Variants in SRRM2 observed in about 807,000 individuals in gnomAD.
The protein encoded by SRRM2 is serine/arginine repetitive matrix 2.
Under a neutral mutation model 213.8 loss-of-function variants are expected in SRRM2, and 30 were observed. That is an observed-to-expected ratio of 0.14 (90% CI 0.10 to 0.19). The LOEUF (loss-of-function observed/expected upper bound fraction) is 0.19, where lower values mean the gene tolerates loss of function less well. Among genes scored for constraint, SRRM2 ranks in the 10% least tolerant of loss-of-function variants. SRRM2 has a pLI of 1.00. For missense variants in SRRM2, 4,904 were observed against 3,647.0 expected (o/e 1.34, Z -8.88); for synonymous variants, 2,025 against 1,377.7 (o/e 1.47, Z -10.40).
intron 10 of SRRM2, chr16:2,760,882 A>G (rs1263349120): frequency 5.2e-6 from 1 of 193,426 alleles, no homozygotes; most frequent in Admixed American, 5.3e-5. Context: ...AATAGTTTGA[A>G]TGAAACACTG....
intron 3 of SRRM2, 68 bp from the exon 4 acceptor site, chr16:2,757,713 A>G: frequency 1.3e-6 from 2 of 1,590,444 alleles, no homozygotes; most frequent in Non-Finnish European, 1.7e-6. Flanking sequence ...GCTCCTGCTT[A>G]TACTTGTGTT....
chr16:2,770,356 C>G lies in SRRM2; in HGVS notation c.8026C>G (p.Arg2676Gly). The change falls in exon 13 of 15, where the codon CGC (arginine) becomes GGC (glycine). Residue 2676 changes from arginine to glycine, a missense_variant. Physicochemically the swap from Arg to Gly is moderately radical, Grantham distance 125 (BLOSUM62 -2). Transcript: ENST00000301740. ...KKPPPGERRSRSPRKPIDSLR... is the reference protein window; with the variant it reads ...KKPPPGERRSGSPRKPIDSLR... ...GGGTCCTACTGTGTTCCCCAGGTCC[C>G]GCAGCCCCCGGAAGCCAATAGACTC... is the stretch of plus-strand genomic sequence containing the variant. The G allele has an allele frequency of 6.3e-7, 1 of 1,593,346 alleles. No individual in the cohort carries two copies. The highest frequency in any genetic ancestry group is 2.3e-5 in the East Asian group (1 of 43,830).
chr16:2,766,187 A>G lies in SRRM2; in HGVS notation c.5659A>G (p.Arg1887Gly), dbSNP rs2068535903. ...CAGAACCCCCCTGATAAGCCGACGTAGGTCCAGATCTCGAACTTCACCAGT... is the reference window on the plus strand; with the variant it reads ...CAGAACCCCCCTGATAAGCCGACGTGGGTCCAGATCTCGAACTTCACCAGT... The part of the protein sequence containing the change: ...RSRTPLISRR[R>G]SRSRTSPVSR... Residue 1887 changes from arginine (R) to glycine (G), a missense_variant, in exon 11 of 15, where the codon AGG becomes GGG. Physicochemically the swap from Arg to Gly is moderately radical, Grantham distance 125 (BLOSUM62 -2). Transcript: ENST00000301740. This position sits in a 1 kb window ranked among gnomAD's most constrained non-coding sequence, Gnocchi z 7.0. 2 of 1,614,046 alleles carry G rather than the reference A, an allele frequency of 1.2e-6. No homozygotes were observed. The highest frequency in any genetic ancestry group is 8.5e-7 in the Non-Finnish European group (1 of 1,180,046).
rs536547340 is a variant in SRRM2 at position 2,757,069 on chromosome 16, T to A, written c.243-403T>A. Among the ~76,000 whole-genome samples the A allele has an allele frequency of 2.6e-5, 4 of 152,132 alleles. No homozygotes were observed. In the South Asian group the frequency reaches 6.2e-4, roughly 24 times the overall value. ...GAATCATGGGCTGGGAAGGGAAATT[T>A]TGGAAAAGGAGCCCATTAAGGCAGA... On this transcript the variant is annotated intron_variant, in intron 2 of 14. Coordinates refer to ENST00000301740, the MANE Select transcript of SRRM2 (RefSeq NM_016333.4).
chr16:2,755,445 T>C (rs1042184159), intron 1 of SRRM2, among the ~76,000 whole-genome samples: 3 of 152,064 alleles, frequency 2.0e-5, no homozygotes, highest in Non-Finnish European at 4.4e-5. Flanking sequence ...GGAGAAGGTA[T>C]GGGAACGGTT....
rs1456468739 is a variant in SRRM2 at position 2,762,274 on chromosome 16, C to T, written c.1746C>T (p.Gly582=). 2.5e-6 allele frequency: 4 copies of T among 1,613,956 alleles called. No individual in the cohort carries two copies. In the African/African-American group the frequency reaches 5.3e-5, roughly 22 times the overall value. The change falls in exon 11 of 15, where the codon GGC becomes GGT. Residue 582 remains glycine (G), a synonymous_variant. Transcript: ENST00000301740. ...RSRSRTPARR[G]RSRSRTPARR... ...GTTCTAGAACACCAGCCCGCCGGGG[C>T]AGGTCCCGCTCTAGAACACCTGCCA... is the stretch of plus-strand genomic sequence containing the variant.
In SRRM2 at chr16:2,766,223, C is replaced by T. The variant is rs151100831; in HGVS notation, c.5695C>T (p.Arg1899Trp). ...RSRTSPVSRR[R>W]SRSRTSVTRR... Reference sequence around the variant, plus strand: ...TCGAACTTCACCAGTCAGCCGGAGACGGTCAAGGTCCAGGACTTCAGTGAC... The same window carrying T: ...TCGAACTTCACCAGTCAGCCGGAGATGGTCAAGGTCCAGGACTTCAGTGAC... The change falls in exon 11 of 15, where the codon CGG (arginine) becomes TGG (tryptophan). Residue 1899 changes from arginine to tryptophan, a missense_variant. Arg to Trp is a moderately radical substitution (Grantham distance 101, BLOSUM62 -3). Coordinates refer to ENST00000301740, the MANE Select transcript of SRRM2 (RefSeq NM_016333.4). This position sits in a 1 kb window ranked among gnomAD's most constrained non-coding sequence, Gnocchi z 7.0. The T allele has an allele frequency of 3.7e-6, 6 of 1,614,174 alleles. No homozygotes were observed. The highest frequency in any genetic ancestry group is 4.2e-6 in the Non-Finnish European group (5 of 1,180,040).
chr16:2,764,118 A>G lies in SRRM2; in HGVS notation c.3590A>G (p.Glu1197Gly). 6.2e-7 allele frequency: 1 copy of G among 1,614,180 alleles called. No homozygotes were observed. Among genetic ancestry groups the G allele is most frequent in the Non-Finnish European group, 8.5e-7 (1 of 1,180,038 alleles). Residue 1197 changes from glutamate (E) to glycine (G), a missense_variant, in exon 11 of 15, where the codon GAG (glutamate) becomes GGG (glycine). Physicochemically the swap from Glu to Gly is moderately conservative, Grantham distance 98. Coordinates refer to ENST00000301740, the MANE Select transcript of SRRM2 (RefSeq NM_016333.4). ...CCCTTTCCAGTACAGGATAGGCCTG[A>G]GTCTTCACTGGTATTCAAAGACACA... Reference protein sequence around the residue: ...FSPFPVQDRPESSLVFKDTLR... With the variant: ...FSPFPVQDRPGSSLVFKDTLR...
Position 2,763,776 on chromosome 16 carries a change from C to T in SRRM2, c.3248C>T (p.Ser1083Leu). 1 of 1,614,198 alleles carries T rather than the reference C, an allele frequency of 6.2e-7. No individual in the cohort carries two copies. Among genetic ancestry groups the T allele is most frequent in the Non-Finnish European group, 8.5e-7 (1 of 1,180,048 alleles). The change falls in exon 11 of 15, where the codon TCA becomes TTA. Residue 1083 changes from serine to leucine, a missense_variant. By Grantham distance (145) the Ser-to-Leu change is moderately radical. Transcript: ENST00000301740. ...SPEVRQSHSE[S>L]PSLQSKSQTS... ...GAAGTGAGACAGAGTCATTCAGAAT[C>T]ACCATCTCTGCAGAGCAAATCTCAA...
chr16:2,767,201 G>T lies in SRRM2; in HGVS notation c.6673G>T (p.Ala2225Ser). 1 of 1,614,186 alleles carries T rather than the reference G, an allele frequency of 6.2e-7. No individual in the cohort carries two copies. The highest frequency in any genetic ancestry group is 1.3e-5 in the African/African-American group (1 of 75,038). Residue 2225 changes from alanine (A) to serine (S), a missense_variant, in exon 11 of 15, where the codon GCA becomes TCA. Ala to Ser is a moderately conservative substitution (Grantham distance 99). Coordinates refer to ENST00000301740, the MANE Select transcript of SRRM2 (RefSeq NM_016333.4). ...VPLMSLRTAP[A>S]ANLASRIPAA... ...TCTCATGAGTCTCAGAACCGCACCA[G>T]CAGCCAACCTTGCCAGCAGGATTCC...
At chr16:2,753,610 G>C (rs1002730840) in intron 1 of SRRM2, 6 of 152,194 alleles carry the variant, frequency 3.9e-5, no homozygotes, top group African/African-American at 1.4e-4. Context: ...GACCTTCGTT[G>C]GGAAGAAAAC....
rs756068764 is a variant in SRRM2 at position 2,767,739 on chromosome 16, G to A, written c.7211G>A (p.Arg2404Gln). Residue 2404 changes from arginine to glutamine, a missense_variant, in exon 11 of 15, where the codon CGA (arginine) becomes CAA (glutamine). Arg to Gln is a conservative substitution (Grantham distance 43). Coordinates refer to ENST00000301740, the MANE Select transcript of SRRM2 (RefSeq NM_016333.4). ...SGRTSPPLLD[R>Q]ARSRTPPSAP... ...AGAACCTCACCACCGCTCCTTGACC[G>A]AGCTAGGTCCAGAACACCACCGTCT... 3.7e-6 allele frequency: 6 copies of A among 1,613,196 alleles called. No individual in the cohort carries two copies. Among genetic ancestry groups the A allele is most frequent in the Admixed American group, 3.3e-5 (2 of 59,820 alleles).
intron 11 of SRRM2, 104 bp from the exon 12 acceptor site, chr16:2,768,893 C>T (rs1245832111): frequency 3.8e-6 from 6 of 1,560,608 alleles, no homozygotes; most frequent in African/African-American, 1.4e-5. Flanking sequence ...CTCCCAGCGC[C>T]TTTCTCAGGC....
In SRRM2 at chr16:2,765,921, C is replaced by G. The variant is rs1036326630; in HGVS notation, c.5393C>G (p.Ser1798Cys). 6.2e-7 allele frequency: 1 copy of G among 1,614,188 alleles called. No individual in the cohort carries two copies. The highest frequency in any genetic ancestry group is 8.5e-7 in the Non-Finnish European group (1 of 1,180,038). Reference sequence around the variant, plus strand: ...AGGTCTGGATCTTCTCAGTCAACCTCTCGGCGAAGACAGCGGAGCCGGTCA... The same window carrying G: ...AGGTCTGGATCTTCTCAGTCAACCTGTCGGCGAAGACAGCGGAGCCGGTCA... Reference protein sequence around the residue: ...RDRSGSSQSTSRRRQRSRSRS... With the variant: ...RDRSGSSQSTCRRRQRSRSRS... Residue 1798 changes from serine (S) to cysteine (C), a missense_variant, in exon 11 of 15, where the codon TCT (serine) becomes TGT (cysteine). Coordinates refer to ENST00000301740, the MANE Select transcript of SRRM2 (RefSeq NM_016333.4).
intron 1 of SRRM2, 34 bp downstream of exon 1, chr16:2,752,880 G>C (rs2067974347): frequency 1.0e-5 from 2 of 200,516 alleles, no homozygotes; most frequent in South Asian, 5.2e-5. Context: ...AGCCGGGTGG[G>C]GGAGGGGCGG....
At position 2,758,822 on chromosome 16, in the gene SRRM2, T is replaced by C; in HGVS notation, c.594-163T>C. 7 of 776,282 alleles carry C rather than the reference T, an allele frequency of 9.0e-6. 1 individual carries two copies. The highest frequency in any genetic ancestry group is 1.4e-5 in the Non-Finnish European group (7 of 487,814). The allele number at this position is 776,282 out of a possible 1,614,324, so 48.1% of individuals were successfully genotyped here. A position where few individuals can be genotyped will look rare whatever the true frequency, so the allele number is the denominator to read the frequency against. On this transcript the variant is annotated intron_variant, in intron 5 of 14. Coordinates refer to ENST00000301740, the MANE Select transcript of SRRM2 (RefSeq NM_016333.4). The stretch of plus-strand genomic sequence containing the variant: ...GTTTGTTGACTTAAGGAGTTACTTG[T>C]GCTTGTTGGAGAAAGAAGAAATAAG...
chr16:2,756,602 C>A lies in SRRM2; in HGVS notation c.238C>A (p.Gln80Lys). 1 of 1,611,668 alleles carries A rather than the reference C, an allele frequency of 6.2e-7. No homozygotes were observed. The highest frequency in any genetic ancestry group is 8.5e-7 in the Non-Finnish European group (1 of 1,178,702). ...CGAGCTGGAGGAGATGATGGAAGAGCAGGGGTGAGGGAGAGCTGGGGGAGA... is the reference window on the plus strand; with the variant it reads ...CGAGCTGGAGGAGATGATGGAAGAGAAGGGGTGAGGGAGAGCTGGGGGAGA... ...CLELEEMMEE[Q>K]GYEEQQIQEK... The change falls in exon 2 of 15, where the codon CAG (glutamine) becomes AAG (lysine). Residue 80 changes from glutamine to lysine, a missense_variant. Transcript: ENST00000301740.
intron 5 of SRRM2, 166 bp downstream of exon 5, chr16:2,758,713 T>C (rs1006553998): frequency 1.4e-6 from 1 of 693,274 alleles, no homozygotes; most frequent in Admixed American, 2.8e-5. Flanking sequence ...AGTTTCTCAG[T>C]GGGGAAGTGT....
In SRRM2 at chr16:2,765,919, C is replaced by T. The variant is rs1202247468; in HGVS notation, c.5391C>T (p.Thr1797=). 3 of 1,614,050 alleles carry T rather than the reference C, an allele frequency of 1.9e-6. No homozygotes were observed. Among genetic ancestry groups the T allele is most frequent in the Middle Eastern group, 1.6e-4 (1 of 6,084 alleles). ...RRDRSGSSQS[T]SRRRQRSRSR... is the part of the protein sequence containing the mutation. Reference sequence around the variant, plus strand: ...ATAGGTCTGGATCTTCTCAGTCAACCTCTCGGCGAAGACAGCGGAGCCGGT... The same window carrying T: ...ATAGGTCTGGATCTTCTCAGTCAACTTCTCGGCGAAGACAGCGGAGCCGGT... Residue 1797 remains threonine (T), a synonymous_variant, in exon 11 of 15, where the codon ACC becomes ACT. Transcript: ENST00000301740.
Sources: gnomAD v4.1 joint callset for allele counts (sites outside exome capture counted in the v4.1 genomes callset) on GRCh38, gnomAD v4.1.1 for gene constraint, Gnocchi (gnomAD v3.1) non-coding constraint, MANE v1.5 for transcripts, NCBI Gene and HGNC (gene_info 2026-07-23, HGNC 2026-07-21) for gene names.